SMS: variants seen among roughly 807,000 people sequenced by gnomAD.
The protein encoded by SMS is spermidine aminopropyltransferase.
A neutral mutation model predicts 33.0 loss-of-function variants in SMS; 3 were observed. The observed-to-expected ratio is 0.09, with a 90% CI of 0.04 to 0.23. The LOEUF (loss-of-function observed/expected upper bound fraction) is 0.23, where lower values mean the gene tolerates loss of function less well. Ranked by LOEUF, SMS falls within the 10% of genes least tolerant of loss-of-function variation. The pLI is 1.00. For synonymous variants in SMS, 103 were observed against 112.2 expected (o/e 0.92, Z 0.52); for missense variants, 117 against 288.6 (o/e 0.41, Z 4.31).
intron 1 of SMS, among the ~76,000 whole-genome samples, chrX:21,941,924 C>A (rs1483661174): frequency 3.9e-5 from 3 of 77,749 alleles, no homozygotes; most frequent in African/African-American, 9.2e-5. Context: ...AAAAAAAAAA[C>A]CCGACCAGAA....
At chrX:21,942,959 C>A (rs1179425651) in intron 1 of SMS, among the ~76,000 whole-genome samples, 1 of 108,907 alleles carries the variant, frequency 9.2e-6, no homozygotes, top group Admixed American at 9.8e-5. Context: ...TGTGTCTCAG[C>A]CTACCAAGTA....
At chrX:21,962,189 A>G (rs757412215) in intron 1 of SMS, among the ~76,000 whole-genome samples, 2 of 111,801 alleles carry the variant, frequency 1.8e-5, no homozygotes, top group Non-Finnish European at 3.8e-5. Flanking sequence ...GGCTGGGGTT[A>G]CCAAAGTCCT....
intron 2 of SMS, among the ~76,000 whole-genome samples, chrX:21,968,175 C>A (rs1923876034): frequency 8.9e-6 from 1 of 112,566 alleles, no homozygotes; most frequent in Non-Finnish European, 1.9e-5. Context: ...GGATGGCCAG[C>A]AGCAGTGCTG....
At chrX:21,973,834 A>G (rs909077301) in intron 4 of SMS, among the ~76,000 whole-genome samples, 3 of 113,288 alleles carry the variant, frequency 2.6e-5, no homozygotes, top group Non-Finnish European at 3.7e-5. Flanking sequence ...TCATCATCCA[A>G]ATTTCTATCG....
Position 21,977,977 on chromosome X carries a change from T to G in SMS, c.523T>G (p.Leu175Val). ...SGDVNLAESD[L>V]AYTRAIMGSG... The stretch of plus-strand genomic sequence containing the variant: ...CTCCCTAGATTTGGCAGAGAGTGAT[T>G]TGGCATATACCCGGGCCATCATGGG... Residue 175 changes from leucine to valine, a missense_variant, in exon 6 of 11, where the codon TTG becomes GTG. By Grantham distance (32) the Leu-to-Val change is conservative. Transcript: ENST00000404933. The G allele has an allele frequency of 8.3e-7, 1 of 1,210,885 alleles. No homozygotes were observed. Among genetic ancestry groups the G allele is most frequent in the Non-Finnish European group, 1.1e-6 (1 of 894,661 alleles).
intron 9 of SMS, among the ~76,000 whole-genome samples, chrX:21,992,131 TGGG>T (rs1157819799): frequency 8.9e-6 from 1 of 112,083 alleles, no homozygotes; most frequent in Non-Finnish European, 1.9e-5. Flanking sequence ...AGGAAAAAAA[TGGG>T]GGTGAATATA....
rs778691336 is a variant in SMS at position 21,985,239 on chromosome X, G to GT, written c.945+22dup. On this transcript the variant is annotated intron_variant, in intron 9 of 10. Coordinates refer to ENST00000404933, the MANE Select transcript of SMS (RefSeq NM_004595.5). ...TTTTACACAGGTAGGCTACTTAACAGTTTTTTCCCTCAAAACGCTCTAAGA... is the reference window on the plus strand; with the variant it reads ...TTTTACACAGGTAGGCTACTTAACAGTTTTTTTCCCTCAAAACGCTCTAAGA... 6 of 1,039,957 alleles carry GT rather than the reference G, an allele frequency of 5.8e-6. No individual in the cohort carries two copies. The highest frequency in any genetic ancestry group is 1.9e-5 in the South Asian group (1 of 53,360). The allele number at this position is 1,039,957 out of a possible 1,213,427, so 85.7% of individuals were successfully genotyped here.
At chrX:21,966,144 T>C (rs1308386188) in intron 1 of SMS, among the ~76,000 whole-genome samples, 4 of 112,294 alleles carry the variant, frequency 3.6e-5, no homozygotes, top group Non-Finnish European at 7.5e-5. Flanking sequence ...ACTTAGTTTA[T>C]GGCAGAAATT....
chrX:21,966,166 T>G (rs1268974043), intron 1 of SMS, among the ~76,000 whole-genome samples: 1 of 112,263 alleles, frequency 8.9e-6, no homozygotes, highest in Non-Finnish European at 1.9e-5. Flanking sequence ...TAATGTAATT[T>G]TCTTGGCAAA....
chrX:21,947,062 T>C (rs1773640914), intron 1 of SMS, among the ~76,000 whole-genome samples: 1 of 112,014 alleles, frequency 8.9e-6, no homozygotes, highest in African/African-American at 3.2e-5. Context: ...CCCCTGTATT[T>C]GAGCTGCCTT....
chrX:21,988,135 G>A (rs1925483534), intron 9 of SMS, among the ~76,000 whole-genome samples: 1 of 112,316 alleles, frequency 8.9e-6, no homozygotes, highest in Non-Finnish European at 1.9e-5. Flanking sequence ...TGTAACACCT[G>A]GGGTTCATTC....
At chrX:21,952,152 C>T (rs1221427892) in intron 1 of SMS, among the ~76,000 whole-genome samples, 2 of 111,740 alleles carry the variant, frequency 1.8e-5, no homozygotes, top group East Asian at 5.6e-4. Context: ...TTTGGTTACC[C>T]TTGAATAGCA....
At position 21,979,277 on chromosome X, in the gene SMS, G is replaced by T. The variant is rs184371931; in HGVS notation, c.750+311G>T. Among the ~76,000 whole-genome samples, 684 of 109,633 alleles carry T rather than the reference G, an allele frequency of 6.2e-3. 6 individuals carry two copies. The highest frequency in any genetic ancestry group is 0.021 in the African/African-American group (623 of 30,040). On this transcript the variant is annotated intron_variant, in intron 7 of 10. Coordinates refer to ENST00000404933, the MANE Select transcript of SMS (RefSeq NM_004595.5). ...AGGTATACACGTGCCATGGTGGTTT[G>T]CTGCACCTATGAACCCATCATCTAG...
chrX:21,944,369 C>T (rs1308986386), intron 1 of SMS, among the ~76,000 whole-genome samples: 2 of 109,588 alleles, frequency 1.8e-5, no homozygotes, highest in African/African-American at 6.7e-5. Context: ...GTTCCTAGCC[C>T]TATGTGCTAG....
rs1350204689 is a variant in SMS, at chrX:21,950,674, C to G, written c.49+9801C>G. On this transcript the variant is annotated intron_variant, in intron 1 of 10. Transcript: ENST00000404933. ...ATGTGTTCTCATTGTTGGGCTCCCA[C>G]TTATGAGTGAGAACATGTGGTGTTT... Among the ~76,000 whole-genome samples the G allele has an allele frequency of 3.7e-5, 4 of 109,041 alleles. No homozygotes were observed. The East Asian group carries it at 1.2e-3, about 31-fold the overall frequency. The allele number at this position is 109,041 out of a possible 115,157, so 94.7% of individuals were successfully genotyped here.
chrX:21,965,661 T>C (rs1317687536), intron 1 of SMS, among the ~76,000 whole-genome samples: 2 of 103,890 alleles, frequency 1.9e-5, no homozygotes, highest in African/African-American at 7.2e-5. Context: ...GGCAGGAGAA[T>C]GGTGTGAACC....
intron 9 of SMS, among the ~76,000 whole-genome samples, chrX:21,990,644 A>G (rs181241030): frequency 5.7e-4 from 64 of 112,442 alleles, no homozygotes; most frequent in Non-Finnish European, 1.1e-3. Flanking sequence ...ACAAATTGAA[A>G]CTTTCCTATT....
chrX:21,991,302 C>T (rs772487659), intron 9 of SMS, among the ~76,000 whole-genome samples: 41 of 111,197 alleles, frequency 3.7e-4, no homozygotes, highest in Admixed American at 6.7e-4. Flanking sequence ...CTCAGCCTCC[C>T]GAGTAGCTGG....
chrX:21,942,534 A>G (rs1921889636), intron 1 of SMS, among the ~76,000 whole-genome samples: 1 of 112,307 alleles, frequency 8.9e-6, no homozygotes, highest in African/African-American at 3.2e-5. Flanking sequence ...ACTTAGAGAA[A>G]ACAAAGCATG....
Sources: gnomAD v4.1 joint callset for allele counts (sites outside exome capture counted in the v4.1 genomes callset) on GRCh38, gnomAD v4.1.1 for gene constraint, MANE v1.5 for transcripts, NCBI Gene and HGNC (gene_info 2026-07-23, HGNC 2026-07-21) for gene names.